Variants in C9orf85 observed in about 807,000 individuals in gnomAD.
C9orf85 encodes the protein chromosome 9 open reading frame 85.
Under a neutral mutation model 14.9 loss-of-function variants are expected in C9orf85, and 16 were observed. The ratio of observed to expected loss-of-function variants is 1.08; its 90% CI spans 0.73 to 1.63. The LOEUF is 1.63. C9orf85 is among the 40% of genes most tolerant of loss of function. The pLI is 0.00. For missense variants in C9orf85, 172 were observed against 186.1 expected (o/e 0.92, Z 0.44); for synonymous variants, 45 against 56.8 (o/e 0.79, Z 0.93).
At chr9:71,944,845 G>A (rs1288333056) in intron 1 of C9orf85, among the ~76,000 whole-genome samples, 1 of 152,074 alleles carries the variant, frequency 6.6e-6, no homozygotes, top group East Asian at 1.9e-4. Context: ...TGATAGTAGT[G>A]CCTGTTAGTC....
intron 1 of C9orf85, among the ~76,000 whole-genome samples, chr9:71,934,336 A>G (rs957329578): frequency 2.0e-5 from 3 of 152,042 alleles, no homozygotes; most frequent in African/African-American, 7.3e-5. Context: ...GTCTCAAAAC[A>G]AACAAACAAA....
intron 2 of C9orf85, among the ~76,000 whole-genome samples, chr9:71,954,810 G>T (rs1156521910): frequency 6.6e-6 from 1 of 152,094 alleles, no homozygotes; most frequent in East Asian, 1.9e-4. Flanking sequence ...ATCTGGGAAT[G>T]CAGCCCAGTA....
intron 1 of C9orf85, among the ~76,000 whole-genome samples, chr9:71,938,420 A>G (rs1202543148): frequency 2.6e-5 from 4 of 152,072 alleles, no homozygotes; most frequent in African/African-American, 7.2e-5. Context: ...TAAAAATATA[A>G]GTCAGTTGAG....
intron 1 of C9orf85, among the ~76,000 whole-genome samples, chr9:71,942,440 A>G (rs1821956315): frequency 6.6e-6 from 1 of 152,180 alleles, no homozygotes; most frequent in South Asian, 2.1e-4. Flanking sequence ...TAACAAGTGC[A>G]CTTTCCAGCT....
chr9:71,914,765 G>A (rs1827602853), intron 1 of C9orf85, among the ~76,000 whole-genome samples: 1 of 152,186 alleles, frequency 6.6e-6, no homozygotes, highest in Non-Finnish European at 1.5e-5. Flanking sequence ...CTCAATATGA[G>A]GGAATTATCT....
At position 71,915,932 on chromosome 9, in the gene C9orf85, G is replaced by T. The variant is rs77216714; in HGVS notation, c.102+4096G>T. 9.1e-3 allele frequency among the ~76,000 whole-genome samples: 1,379 copies of T among 152,250 alleles called. 21 individuals carry two copies. The highest frequency in any genetic ancestry group is 0.031 in the African/African-American group (1,278 of 41,530). ...AGTTTTGCACTATGCCAAAAAGGCC[G>T]CAGTGAAATTCTGGTATTCCTGTCT... On this transcript the variant is annotated intron_variant, in intron 1 of 3. Transcript: ENST00000334731.
chr9:71,931,362 C>A (rs1828066651), intron 1 of C9orf85, among the ~76,000 whole-genome samples: 1 of 152,138 alleles, frequency 6.6e-6, no homozygotes, highest in Admixed American at 6.5e-5. Context: ...GAAACAGTCT[C>A]CAGAATGTTT....
intron 1 of C9orf85, among the ~76,000 whole-genome samples, chr9:71,938,200 T>G (rs896276661): frequency 6.6e-6 from 1 of 152,066 alleles, no homozygotes; most frequent in Non-Finnish European, 1.5e-5. Context: ...ATAGTAGGGG[T>G]GTTCTGTCTG....
chr9:71,952,063 T>G (rs1410802747), intron 2 of C9orf85, among the ~76,000 whole-genome samples: 1 of 152,090 alleles, frequency 6.6e-6, no homozygotes, highest in Non-Finnish European at 1.5e-5. Flanking sequence ...CAGATGAAAT[T>G]AGTTATTTTC....
intron 2 of C9orf85, among the ~76,000 whole-genome samples, chr9:71,967,017 T>TAAGTA: frequency 6.6e-6 from 1 of 152,246 alleles, no homozygotes; most frequent in African/African-American, 2.4e-5. Context: ...TTAATAAGTT[T>TAAGTA]TGTGCCACCC....
chr9:71,972,145 A>G lies in C9orf85; in HGVS notation c.323+527A>G, dbSNP rs996060565. ...ATGTGTGAGATTCATATTCATTACAAAAGAATTACACATTATTTAACAACT... is the reference window on the plus strand; with the variant it reads ...ATGTGTGAGATTCATATTCATTACAGAAGAATTACACATTATTTAACAACT... On this transcript the variant is annotated intron_variant, in intron 3 of 3. Transcript: ENST00000334731. Among the ~76,000 whole-genome samples, 11 of 152,210 alleles carry G rather than the reference A, an allele frequency of 7.2e-5. 1 individual carries two copies. The highest frequency in any genetic ancestry group is 2.4e-5 in the African/African-American group (1 of 41,452).
intron 1 of C9orf85, among the ~76,000 whole-genome samples, chr9:71,913,551 A>T (rs1827571010): frequency 6.6e-6 from 1 of 152,200 alleles, no homozygotes; most frequent in Non-Finnish European, 1.5e-5. Flanking sequence ...TGAAAACCTG[A>T]AGCAACATTT....
chr9:71,912,904 A>C (rs1226569765), intron 1 of C9orf85, among the ~76,000 whole-genome samples: 1 of 151,878 alleles, frequency 6.6e-6, no homozygotes, highest in East Asian at 1.9e-4. Flanking sequence ...AAAAACTACT[A>C]ATTTGCTCTT....
intron 2 of C9orf85, among the ~76,000 whole-genome samples, chr9:71,963,599 G>T (rs566186939): frequency 1.3e-5 from 2 of 152,338 alleles, no homozygotes; most frequent in South Asian, 2.1e-4. Context: ...CTGGAGTTCC[G>T]GGTGGGCGTG....
At chr9:71,962,958 A>T (rs1463846072) in intron 2 of C9orf85, among the ~76,000 whole-genome samples, 1 of 152,078 alleles carries the variant, frequency 6.6e-6, no homozygotes. Context: ...CGGGAGGCTG[A>T]GGCACGATAA....
chr9:71,977,919 T>C (rs1294156224), downstream of C9orf85, among the ~76,000 whole-genome samples: 1 of 152,162 alleles, frequency 6.6e-6, no homozygotes, highest in Non-Finnish European at 1.5e-5. Flanking sequence ...CTGAAAAAAA[T>C]CATACCTTTC....
chr9:71,959,412 C>T (rs947271710), intron 2 of C9orf85, among the ~76,000 whole-genome samples: 2 of 152,202 alleles, frequency 1.3e-5, no homozygotes, highest in African/African-American at 2.4e-5. Context: ...GCTGGGATTA[C>T]AGGCGTGAGC....
chr9:71,969,134 A>G (rs999254036), intron 2 of C9orf85, among the ~76,000 whole-genome samples: 1 of 152,090 alleles, frequency 6.6e-6, no homozygotes, highest in Non-Finnish European at 1.5e-5. Context: ...AAAGAACTGA[A>G]CATACTGACA....
At chr9:71,921,063 T>G (rs868468205) in intron 1 of C9orf85, among the ~76,000 whole-genome samples, 3 of 152,090 alleles carry the variant, frequency 2.0e-5, no homozygotes, top group African/African-American at 4.8e-5. Context: ...CAAAATAGAC[T>G]CTGTAGTAGT....
Sources: gnomAD v4.1 joint callset for allele counts (sites outside exome capture counted in the v4.1 genomes callset) on GRCh38, gnomAD v4.1.1 for gene constraint, MANE v1.5 for transcripts, NCBI Gene and HGNC (gene_info 2026-07-23, HGNC 2026-07-21) for gene names.